The following ZBTB16 variants were observed in gnomAD, a reference collection of about 807,000 sequenced individuals.
ZBTB16 encodes zinc finger and BTB domain containing 16.
A neutral mutation model predicts 56.8 loss-of-function variants in ZBTB16; 8 were observed. The observed-to-expected ratio is 0.14, with a 90% confidence interval of 0.08 to 0.25. The LOEUF (loss-of-function observed/expected upper bound fraction) is 0.25. Ranked by LOEUF, ZBTB16 falls within the 10% of genes least tolerant of loss-of-function variation. The pLI, the probability that ZBTB16 is intolerant of heterozygous loss-of-function variation, is 1.00. For missense variants in ZBTB16, 625 were observed against 903.0 expected (o/e 0.69, Z 3.95); for synonymous variants, 363 against 368.5 (o/e 0.98, Z 0.17).
intron 2 of ZBTB16, among the ~76,000 whole-genome samples, chr11:114,109,338 ATCT>A (rs948783310): frequency 2.0e-5 from 3 of 152,212 alleles, no homozygotes; most frequent in African/African-American, 7.2e-5. Flanking sequence ...GAGGTGTGAC[ATCT>A]TCTTTGGCTT....
intron 4 of ZBTB16, among the ~76,000 whole-genome samples, chr11:114,199,641 C>T (rs903572195): frequency 2.6e-5 from 4 of 152,190 alleles, no homozygotes; most frequent in Admixed American, 1.3e-4. Flanking sequence ...CAAATGGCTT[C>T]GTTTCCTTGC....
intron 4 of ZBTB16, among the ~76,000 whole-genome samples, chr11:114,234,170 C>T (rs761748138): frequency 2.0e-5 from 3 of 152,022 alleles, no homozygotes; most frequent in South Asian, 2.1e-4. Flanking sequence ...CATGATTCTA[C>T]GCAGATAAGA....
At chr11:114,181,753 T>TA (rs1403408648) in intron 3 of ZBTB16, among the ~76,000 whole-genome samples, 4 of 152,216 alleles carry the variant, frequency 2.6e-5, no homozygotes, top group African/African-American at 9.7e-5. Flanking sequence ...GATCTGTGAT[T>TA]GCTGTGGTTA....
intron 2 of ZBTB16, among the ~76,000 whole-genome samples, chr11:114,085,849 T>C (rs1293420122): frequency 6.6e-6 from 1 of 152,132 alleles, no homozygotes; most frequent in Non-Finnish European, 1.5e-5. Flanking sequence ...TAGAATGATT[T>C]GAATACCAAG....
At chr11:114,124,171 G>A (rs1230676346) in intron 2 of ZBTB16, among the ~76,000 whole-genome samples, 8 of 152,096 alleles carry the variant, frequency 5.3e-5, no homozygotes, top group Non-Finnish European at 1.0e-4. Context: ...AGCAGTCACC[G>A]TAAGTGTGAT....
chr11:114,228,277 T>C lies in ZBTB16; in HGVS notation c.1454-13890T>C, dbSNP rs182433979. ...TCAGGCTGTAATTGAATAACTACCA[T>C]ATTTTTGCGGGAGTGGCTTGCATAG... On this transcript the variant is annotated intron_variant, in intron 4 of 6. Coordinates refer to ENST00000335953, the MANE Select transcript of ZBTB16 (RefSeq NM_006006.6). Among the ~76,000 whole-genome samples the C allele has an allele frequency of 4.9e-4, 75 of 152,352 alleles. 1 individual carries two copies. In the East Asian group the frequency reaches 0.013, roughly 27 times the overall value.
chr11:114,244,627 CT>C, intron 5 of ZBTB16, among the ~76,000 whole-genome samples: 1 of 151,760 alleles, frequency 6.6e-6, no homozygotes, highest in East Asian at 1.9e-4. Context: ...GTGACTTTTT[CT>C]TTCTTTTTTT....
At chr11:114,165,925 G>T (rs1191800279) in intron 3 of ZBTB16, among the ~76,000 whole-genome samples, 2 of 152,180 alleles carry the variant, frequency 1.3e-5, no homozygotes, top group East Asian at 3.8e-4. Flanking sequence ...GCTGCAGGTC[G>T]CAATGGGCCT....
At chr11:114,118,894 G>A (rs922262706) in intron 2 of ZBTB16, among the ~76,000 whole-genome samples, 2 of 152,182 alleles carry the variant, frequency 1.3e-5, no homozygotes, top group African/African-American at 2.4e-5. Context: ...ACAACAGTGA[G>A]GAATGGAGGA....
At chr11:114,061,377 G>C (rs1938854124) in intron 1 of ZBTB16, 1 of 152,224 alleles carries the variant, frequency 6.6e-6, no homozygotes, top group Non-Finnish European at 1.5e-5. Flanking sequence ...CTAGTTCTCA[G>C]AAACCCCGAT....
At chr11:114,108,452 A>T (rs923204063) in intron 2 of ZBTB16, among the ~76,000 whole-genome samples, 1 of 152,270 alleles carries the variant, frequency 6.6e-6, no homozygotes, top group East Asian at 1.9e-4. Context: ...CCACGGGCTT[A>T]TTTGCAGGTC....
rs1265398042 is a variant in ZBTB16 at position 114,060,754 on chromosome 11, T to TCGCCGCCTCCCC, written c.-91+873_-91+884dup. 6.6e-6 allele frequency among the ~76,000 whole-genome samples: 1 copy of TCGCCGCCTCCCC among 151,816 alleles called. No homozygotes were observed. The highest frequency in any genetic ancestry group is 2.4e-5 in the African/African-American group (1 of 41,320). On this transcript the variant is annotated intron_variant, in intron 1 of 6. Coordinates refer to ENST00000335953, the MANE Select transcript of ZBTB16 (RefSeq NM_006006.6). This position sits in a 1 kb window ranked among gnomAD's most constrained non-coding sequence, Gnocchi z 6.0. Reference sequence around the variant, plus strand: ...CACGGAGCGCTCCGCACCGACTCGCTCGCCGCCTCCCCGAGACGCTCGCAC... The same window carrying TCGCCGCCTCCCC: ...CACGGAGCGCTCCGCACCGACTCGCTCGCCGCCTCCCCCGCCGCCTCCCCGAGACGCTCGCAC...
chr11:114,061,012 G>C (rs1010637440), intron 1 of ZBTB16, among the ~76,000 whole-genome samples: 1 of 152,172 alleles, frequency 6.6e-6, no homozygotes, highest in Non-Finnish European at 1.5e-5. Context: ...GACTGTCGCC[G>C]TTCCTCCCCG....
chr11:114,094,764 C>CAG (rs1342514963), intron 2 of ZBTB16, among the ~76,000 whole-genome samples: 2 of 152,244 alleles, frequency 1.3e-5, no homozygotes, highest in Admixed American at 6.5e-5. Flanking sequence ...GCCCCTCAAT[C>CAG]AGAGGCAGGA....
Position 114,063,609 on chromosome 11 carries a change from G to T in ZBTB16, c.309G>T (p.Leu103=), listed in dbSNP as rs1263763485. 6.2e-7 allele frequency: 1 copy of T among 1,614,228 alleles called. No homozygotes were observed. The highest frequency in any genetic ancestry group is 8.5e-7 in the Non-Finnish European group (1 of 1,180,048). Residue 103 remains leucine, a synonymous_variant, in exon 2 of 7, where the codon CTG becomes CTT. Transcript: ENST00000335953. The surrounding 1 kb of genome is among the most constrained non-coding windows in gnomAD (Gnocchi z 6.5). ...QAKAEDLDDL[L]YAAEILEIEY... is the part of the protein sequence containing the mutation. Reference sequence around the variant, plus strand: ...AGGCGGAGGACCTGGATGACCTGCTGTATGCGGCCGAGATCCTGGAGATCG... The same window carrying T: ...AGGCGGAGGACCTGGATGACCTGCTTTATGCGGCCGAGATCCTGGAGATCG...
intron 2 of ZBTB16, among the ~76,000 whole-genome samples, chr11:114,144,460 T>TG (rs1376562484): frequency 2.0e-5 from 3 of 152,228 alleles, no homozygotes; most frequent in Non-Finnish European, 1.5e-5. Flanking sequence ...TCCCAGCCTT[T>TG]GTTTGTTTGT....
At chr11:114,082,281 A>G (rs1257941328) in intron 2 of ZBTB16, among the ~76,000 whole-genome samples, 5 of 152,036 alleles carry the variant, frequency 3.3e-5, no homozygotes, top group African/African-American at 9.7e-5. Flanking sequence ...CCCTATCTCT[A>G]TTTCAACACA....
chr11:114,102,736 T>G (rs917871871), intron 2 of ZBTB16, among the ~76,000 whole-genome samples: 1 of 152,190 alleles, frequency 6.6e-6, no homozygotes, highest in Admixed American at 6.5e-5. Flanking sequence ...TTTAATTATT[T>G]ATTGGGTGCC....
At position 114,242,200 on chromosome 11, in the gene ZBTB16, G is replaced by T; in HGVS notation, c.1487G>T (p.Gly496Val). 1 of 1,613,772 alleles carries T rather than the reference G, an allele frequency of 6.2e-7. No individual in the cohort carries two copies. ...ATGGCCGTCTTCTGTCTGCTGTGTG[G>T]GAAGCGCTTCCAGGCGCAGAGCGCA... ...TDMAVFCLLC[G>V]KRFQAQSALQ... Residue 496 changes from glycine to valine, a missense_variant, in exon 5 of 7, where the codon GGG becomes GTG. Physicochemically the swap from Gly to Val is moderately radical, Grantham distance 109. Coordinates refer to ENST00000335953, the MANE Select transcript of ZBTB16 (RefSeq NM_006006.6).
Sources: allele counts gnomAD v4.1 joint callset (sites outside exome capture counted in the v4.1 genomes callset), GRCh38; gene constraint gnomAD v4.1.1; non-coding constraint Gnocchi (gnomAD v3.1); transcripts MANE v1.5; gene names NCBI Gene and HGNC (gene_info 2026-07-23, HGNC 2026-07-21).